Variants in CFAP61 observed in about 807,000 individuals in gnomAD.
CFAP61 encodes cilia and flagella associated protein 61, also known as cilia- and flagella-associated protein 61.
In CFAP61, 107 loss-of-function variants were observed where a neutral mutation model predicts 135.6. The ratio of observed to expected loss-of-function variants is 0.79; its 90% CI spans 0.67 to 0.93. The LOEUF is 0.93. CFAP61 is among the 40% of genes least tolerant of loss of function. The pLI, the probability that CFAP61 is intolerant of heterozygous loss-of-function variation, is 0.00. For synonymous variants in CFAP61, 575 were observed against 578.5 expected (o/e 0.99, Z 0.09); for missense variants, 1,507 against 1,556.2 (o/e 0.97, Z 0.53).
intron 26 of CFAP61, among the ~76,000 whole-genome samples, chr20:20,342,315 A>C (rs1241106450): frequency 6.6e-6 from 1 of 152,204 alleles, no homozygotes; most frequent in African/African-American, 2.4e-5. Context: ...AAAGATGTAC[A>C]GGGAAGCCAT....
At chr20:20,107,602 C>T (rs58049462) in intron 8 of CFAP61, 1 of 151,904 alleles carries the variant, frequency 6.6e-6, no homozygotes, top group East Asian at 1.9e-4. Flanking sequence ...ATGTATCCAA[C>T]TCTGTGGAAA....
intron 8 of CFAP61, among the ~76,000 whole-genome samples, chr20:20,117,793 T>C (rs1018433250): frequency 1.9e-4 from 29 of 152,204 alleles, no homozygotes; most frequent in Admixed American, 6.5e-5. Context: ...TTTCCTAATA[T>C]AGGTCTTTCA....
chr20:20,226,857 G>C (rs781426686), intron 17 of CFAP61, among the ~76,000 whole-genome samples: 1 of 152,208 alleles, frequency 6.6e-6, no homozygotes, highest in Non-Finnish European at 1.5e-5. Flanking sequence ...TCTTGAAAAT[G>C]GGAGTGAGTC....
At chr20:20,305,206 G>A (rs2056399156) in intron 25 of CFAP61, among the ~76,000 whole-genome samples, 1 of 152,178 alleles carries the variant, frequency 6.6e-6, no homozygotes, top group African/African-American at 2.4e-5. Flanking sequence ...TGGGATTTGA[G>A]CAGCCCTTTA....
At chr20:20,208,270 A>G (rs542708616) in intron 17 of CFAP61, among the ~76,000 whole-genome samples, 1 of 152,234 alleles carries the variant, frequency 6.6e-6, no homozygotes, top group Non-Finnish European at 1.5e-5. Context: ...TCCTGCACCC[A>G]GATGGAAAGT....
intron 13 of CFAP61, among the ~76,000 whole-genome samples, chr20:20,185,165 A>G (rs2055408098): frequency 6.6e-6 from 1 of 152,222 alleles, no homozygotes; most frequent in Admixed American, 6.5e-5. Flanking sequence ...TTGTAATCTT[A>G]TGTATCTTAC....
intron 13 of CFAP61, among the ~76,000 whole-genome samples, chr20:20,169,984 G>A (rs917886823): frequency 6.6e-6 from 1 of 152,200 alleles, no homozygotes; most frequent in Non-Finnish European, 1.5e-5. Context: ...ACAGTGCTAA[G>A]TTCTGTGCCA....
chr20:20,315,859 G>A (rs925684035), intron 25 of CFAP61, among the ~76,000 whole-genome samples: 49 of 152,212 alleles, frequency 3.2e-4, no homozygotes, highest in African/African-American at 7.5e-4. Flanking sequence ...GATACATGGC[G>A]TTATTTCTGA....
Position 20,056,696 on chromosome 20 carries a change from C to G in CFAP61, c.43C>G (p.His15Asp), listed in dbSNP as rs750538984. 3.7e-6 allele frequency: 6 copies of G among 1,614,114 alleles called. No individual in the cohort carries two copies. The South Asian group carries it at 4.4e-5, about 12-fold the overall frequency. ...TSPRGKVEVVHCRRTESQDVY... is the reference protein window; with the variant it reads ...TSPRGKVEVVDCRRTESQDVY... ...TCCAAGAGGAAAGGTAGAAGTTGTT[C>G]ATTGCCGAAGAACAGAATCACAGGA... The change falls in exon 2 of 27, where the codon CAT becomes GAT. Residue 15 changes from histidine (H) to aspartate (D), a missense_variant. Transcript: ENST00000245957.
rs545478278 is a variant in CFAP61 at position 20,252,356 on chromosome 20, A to G, written c.2328+593A>G. Among the ~76,000 whole-genome samples the G allele has an allele frequency of 2.0e-5, 3 of 152,232 alleles. No individual in the cohort carries two copies. In the Middle Eastern group the frequency reaches 0.01, roughly 518 times the overall value. On this transcript the variant is annotated intron_variant, in intron 20 of 26. Coordinates refer to ENST00000245957, the MANE Select transcript of CFAP61 (RefSeq NM_015585.4). ...TTAGGGCAGCAGATTTTAATATTCC[A>G]CTTTGTAATATGCATGAGTGTTTCA...
chr20:20,258,521 G>T (rs1267347412), intron 20 of CFAP61: 2 of 152,186 alleles, frequency 1.3e-5, no homozygotes, highest in Non-Finnish European at 2.9e-5. Flanking sequence ...AAGATTCAGG[G>T]TGTGCAGGAT....
At chr20:20,103,503 C>T (rs1600664352) in intron 8 of CFAP61, among the ~76,000 whole-genome samples, 1 of 152,046 alleles carries the variant, frequency 6.6e-6, no homozygotes, top group East Asian at 1.9e-4. Flanking sequence ...AGCAAGTTCC[C>T]AGAATATTGG....
intron 13 of CFAP61, among the ~76,000 whole-genome samples, chr20:20,181,115 T>G (rs1484905464): frequency 6.6e-6 from 1 of 151,728 alleles, no homozygotes; most frequent in African/African-American, 2.4e-5. Flanking sequence ...GACACAAGTT[T>G]GTCTATATAA....
chr20:20,095,339 C>CT (rs1409154536), intron 7 of CFAP61, among the ~76,000 whole-genome samples: 10 of 152,318 alleles, frequency 6.6e-5, no homozygotes, highest in East Asian at 3.9e-4. Context: ...GCACACGTTA[C>CT]TTTAAGGCAA....
intron 26 of CFAP61, among the ~76,000 whole-genome samples, chr20:20,354,739 GA>G (rs574360417): frequency 9.0e-4 from 136 of 150,630 alleles, no homozygotes; most frequent in African/African-American, 3.1e-3. Flanking sequence ...CACTGTGAGA[GA>G]AAAAGTAATC....
chr20:20,339,005 G>C (rs974582832), intron 25 of CFAP61, among the ~76,000 whole-genome samples: 3 of 152,222 alleles, frequency 2.0e-5, no homozygotes, highest in South Asian at 2.1e-4. Flanking sequence ...AGCATGAACA[G>C]AGACAGTAAT....
intron 21 of CFAP61, among the ~76,000 whole-genome samples, chr20:20,276,741 T>C (rs1018894503): frequency 3.3e-5 from 5 of 152,246 alleles, no homozygotes; most frequent in African/African-American, 1.2e-4. Flanking sequence ...CATTTAAATA[T>C]TAAAATATCA....
chr20:20,074,771 C>G (rs1016992128), intron 4 of CFAP61, among the ~76,000 whole-genome samples: 1 of 152,138 alleles, frequency 6.6e-6, no homozygotes, highest in African/African-American at 2.4e-5. Context: ...GGAAAATGAC[C>G]AGCAGGGCTA....
chr20:20,196,470 A>C, intron 15 of CFAP61, 100 bp from the exon 16 acceptor site: 1 of 848,150 alleles, frequency 1.2e-6, no homozygotes, highest in Non-Finnish European at 1.9e-6. Flanking sequence ...TACGTTTCTT[A>C]CTATCATACC....
Sources: gnomAD v4.1 joint callset for allele counts (sites outside exome capture counted in the v4.1 genomes callset) on GRCh38, gnomAD v4.1.1 for gene constraint, MANE v1.5 for transcripts, NCBI Gene and HGNC (gene_info 2026-07-23, HGNC 2026-07-21) for gene names.